The following SLC44A5 variants were observed in gnomAD, a reference collection of about 807,000 sequenced individuals.
SLC44A5 encodes the protein choline transporter-like protein 5.
In SLC44A5, 57 loss-of-function variants were observed where a neutral mutation model predicts 101.8. That is an observed-to-expected ratio of 0.56 (90% CI 0.45 to 0.70). The LOEUF is 0.70. SLC44A5 is among the 30% of genes least tolerant of loss of function. The probability of loss-of-function intolerance (pLI) is 0.00; values close to 1 mark genes in which losing one functional copy is unlikely to be tolerated. For missense variants in SLC44A5, 737 were observed against 853.1 expected (o/e 0.86, Z 1.70); for synonymous variants, 281 against 290.9 (o/e 0.97, Z 0.35).
chr1:75,549,873 T>C (rs112515699), intron 1 of SLC44A5, among the ~76,000 whole-genome samples: 38 of 151,914 alleles, frequency 2.5e-4, no homozygotes, highest in African/African-American at 9.2e-4. Context: ...GCTCGGGAAA[T>C]TGGGGAAAGT....
chr1:75,537,033 A>AAATAAATATAT (rs35829590), intron 2 of SLC44A5, among the ~76,000 whole-genome samples: 1 of 43,026 alleles, frequency 2.3e-5, no homozygotes, highest in Non-Finnish European at 5.8e-5. Flanking sequence ...AAAAAAAAAA[A>AAATAAATATAT]ATATATATCT....
At chr1:75,203,949 T>TTC (rs1646705809) in intron 23 of SLC44A5, 116 bp from the exon 24 acceptor site, 1 of 1,309,890 alleles carries the variant, frequency 7.6e-7, no homozygotes, top group East Asian at 2.8e-5. Context: ...TGTTTTTTTT[T>TTC]TGTTGTTGTT....
At chr1:75,667,390 AAGG>A in the SLC44A5 span, among the ~76,000 whole-genome samples, 2 of 152,196 alleles carry the variant, frequency 1.3e-5, no homozygotes, top group Non-Finnish European at 2.9e-5. Flanking sequence ...GGACTTCTTC[AAGG>A]AGAACTACAA....
the SLC44A5 span, among the ~76,000 whole-genome samples, chr1:75,669,963 C>G: frequency 6.6e-6 from 1 of 152,064 alleles, no homozygotes; most frequent in Non-Finnish European, 1.5e-5. Context: ...AAATATGGAA[C>G]CTATTTAAAA....
chr1:75,426,808 G>A (rs1050581302), intron 2 of SLC44A5, among the ~76,000 whole-genome samples: 2 of 152,234 alleles, frequency 1.3e-5, no homozygotes, highest in Admixed American at 6.5e-5. Context: ...CAAAGAAGCA[G>A]GGAGAGAAGA....
the SLC44A5 span, among the ~76,000 whole-genome samples, chr1:75,652,362 C>T: frequency 2.6e-5 from 4 of 152,332 alleles, no homozygotes; most frequent in South Asian, 8.3e-4. Flanking sequence ...TGCTCTAAAA[C>T]TTGCCTCAGT....
At chr1:75,222,812 G>A (rs1245090015) in intron 13 of SLC44A5, among the ~76,000 whole-genome samples, 1 of 152,180 alleles carries the variant, frequency 6.6e-6, no homozygotes, top group Non-Finnish European at 1.5e-5. Flanking sequence ...AGTTCATTAA[G>A]TAAGACAATA....
intron 2 of SLC44A5, among the ~76,000 whole-genome samples, chr1:75,444,483 G>GAAGAAAGA (rs369997923): frequency 0.01 from 1,418 of 140,688 alleles, 18 homozygotes; most frequent in South Asian, 0.018. Flanking sequence ...GAGAAAGAAA[G>GAAGAAAGA]AAGAAAGAAA....
intron 2 of SLC44A5, among the ~76,000 whole-genome samples, chr1:75,447,703 C>A (rs1665669356): frequency 6.6e-6 from 1 of 152,050 alleles, no homozygotes; most frequent in African/African-American, 2.4e-5. Flanking sequence ...CACAAAAATA[C>A]CCTAATTTTT....
intron 2 of SLC44A5, among the ~76,000 whole-genome samples, chr1:75,425,657 C>T (rs898259197): frequency 2.6e-5 from 4 of 152,188 alleles, no homozygotes; most frequent in African/African-American, 9.6e-5. Flanking sequence ...TGGGTAGTGG[C>T]AGCCCCTACA....
Position 75,202,478 on chromosome 1 carries a change from G to A in SLC44A5, c.*1249C>T, listed in dbSNP as rs1646681039. ...CTGGACTCTTTCTGTAACAAACACT[G>A]AGTAACCAACTGAATTAATTTCCTT... On this transcript the variant is annotated 3_prime_UTR_variant, in exon 24 of 24. Transcript: ENST00000370859. The A allele has an allele frequency of 6.6e-6, 1 of 152,138 alleles. No homozygotes were observed. The highest frequency in any genetic ancestry group is 1.5e-5 in the Non-Finnish European group (1 of 68,016). 9.4% of individuals were successfully genotyped at this position (152,138 alleles called of 1,614,324 possible). A position where few individuals can be genotyped will look rare whatever the true frequency, so the allele number is the denominator to read the frequency against.
At chr1:75,535,676 T>G (rs1285988999) in intron 2 of SLC44A5, among the ~76,000 whole-genome samples, 1 of 152,134 alleles carries the variant, frequency 6.6e-6, no homozygotes, top group Non-Finnish European at 1.5e-5. Context: ...GACTAGTATT[T>G]CCTAAAGAAT....
At chr1:75,658,603 A>T in the SLC44A5 span, among the ~76,000 whole-genome samples, 1 of 152,200 alleles carries the variant, frequency 6.6e-6, no homozygotes, top group Non-Finnish European at 1.5e-5. Context: ...ACAACATATC[A>T]AAACCTAAGA....
intron 3 of SLC44A5, among the ~76,000 whole-genome samples, chr1:75,383,654 T>A (rs577145872): frequency 6.6e-6 from 1 of 152,134 alleles, no homozygotes; most frequent in Non-Finnish European, 1.5e-5. Flanking sequence ...CCAGGAGAAC[T>A]TCCCCAATCT....
intron 1 of SLC44A5, among the ~76,000 whole-genome samples, chr1:75,607,956 T>C (rs1395243622): frequency 6.6e-6 from 1 of 151,998 alleles, no homozygotes; most frequent in East Asian, 1.9e-4. Flanking sequence ...CCAGAACTTG[T>C]CTTATAACTG....
intron 4 of SLC44A5, among the ~76,000 whole-genome samples, chr1:75,310,742 T>C (rs1400659863): frequency 6.6e-6 from 1 of 152,140 alleles, no homozygotes; most frequent in Non-Finnish European, 1.5e-5. Flanking sequence ...AATAGAAATA[T>C]AAAACTGAAT....
At chr1:75,535,370 G>A (rs767243846) in intron 2 of SLC44A5, among the ~76,000 whole-genome samples, 23 of 152,068 alleles carry the variant, frequency 1.5e-4, no homozygotes, top group Admixed American at 3.3e-4. Flanking sequence ...TGCTGAATCC[G>A]CAGCTGAAGT....
At chr1:75,368,642 TGCAC>T (rs1344105671) in intron 3 of SLC44A5, among the ~76,000 whole-genome samples, 1 of 130,756 alleles carries the variant, frequency 7.6e-6, no homozygotes, top group Non-Finnish European at 1.6e-5. Context: ...AAAATGTGCA[TGCAC>T]ACACACACAC....
At position 75,503,891 on chromosome 1, in the gene SLC44A5, T is replaced by A. The variant is rs551011674; in HGVS notation, c.13+37544A>T. Among the ~76,000 whole-genome samples, 20 of 152,296 alleles carry A rather than the reference T, an allele frequency of 1.3e-4. No individual in the cohort carries two copies. In the South Asian group the frequency reaches 4.1e-3, roughly 32 times the overall value. On this transcript the variant is annotated intron_variant, in intron 2 of 23. Transcript: ENST00000370859. ...CTGTAGTGTATCCTGCCACTATATGTGTAGGCTGAATATGCAAAGACCTGA... is the reference window on the plus strand; with the variant it reads ...CTGTAGTGTATCCTGCCACTATATGAGTAGGCTGAATATGCAAAGACCTGA...
Sources: gnomAD v4.1 joint callset for allele counts (sites outside exome capture counted in the v4.1 genomes callset) on GRCh38, gnomAD v4.1.1 for gene constraint, MANE v1.5 for transcripts, NCBI Gene and HGNC (gene_info 2026-07-23, HGNC 2026-07-21) for gene names.